Variants in SLC7A10 observed in about 807,000 individuals in gnomAD.
SLC7A10 encodes the protein solute carrier family 7 member 10.
SLC7A10 carries 30 observed loss-of-function variants against 52.7 expected under a neutral mutation model. The ratio of observed to expected loss-of-function variants is 0.57; its 90% CI spans 0.43 to 0.77. The LOEUF (loss-of-function observed/expected upper bound fraction) is 0.77, where lower values mean the gene tolerates loss of function less well. SLC7A10 is among the 30% of genes least tolerant of loss of function. The pLI, the probability that SLC7A10 is intolerant of heterozygous loss-of-function variation, is 0.00. For synonymous variants in SLC7A10, 318 were observed against 314.9 expected (o/e 1.01, Z -0.10); for missense variants, 581 against 698.5 (o/e 0.83, Z 1.90).
chr19:33,218,743 C>T (rs1034466478), intron 1 of SLC7A10, among the ~76,000 whole-genome samples: 6 of 142,076 alleles, frequency 4.2e-5, no homozygotes, highest in Admixed American at 3.0e-4. Flanking sequence ...GTCTCGAACT[C>T]CTGACCTCAA....
chr19:33,210,260 G>A lies in SLC7A10; in HGVS notation c.1263+207C>T, dbSNP rs551595657. Among the ~76,000 whole-genome samples, 1 of 152,130 alleles carries A rather than the reference G, an allele frequency of 6.6e-6. No individual in the cohort carries two copies. Among genetic ancestry groups the A allele is most frequent in the South Asian group, 2.1e-4 (1 of 4,814 alleles). On this transcript the variant is annotated intron_variant, in intron 9 of 10. Transcript: ENST00000253188. This position sits in a 1 kb window ranked among gnomAD's most constrained non-coding sequence, Gnocchi z 5.6. ...GTGCCCAGTCCTGAGCCTCATTTTC[G>A]CCATCTGTACACTGGGAGCATTCAA...
In SLC7A10 at chr19:33,208,781, T is replaced by TA. The variant is rs1974463525; in HGVS notation, c.*109_*110insT. ...CTTAAACAGGCTTCTGAGAGTCGTA[T>TA]CTTTTTTCTTTTTTTTCCAGAAAAA... On this transcript the variant is annotated 3_prime_UTR_variant, in exon 11 of 11. Transcript: ENST00000253188. The surrounding 1 kb of genome is among the most constrained non-coding windows in gnomAD (Gnocchi z 4.7). 1 of 1,460,614 alleles carries TA rather than the reference T, an allele frequency of 6.8e-7. No individual in the cohort carries two copies. The highest frequency in any genetic ancestry group is 9.5e-7 in the Non-Finnish European group (1 of 1,057,802). The allele number at this position is 1,460,614 out of a possible 1,614,324, so 90.5% of individuals were successfully genotyped here.
chr19:33,212,586 C>A lies in SLC7A10; in HGVS notation c.562G>T (p.Asp188Tyr). 1.2e-6 allele frequency: 2 copies of A among 1,613,978 alleles called. No homozygotes were observed. The highest frequency in any genetic ancestry group is 8.5e-7 in the Non-Finnish European group (1 of 1,180,044). Residue 188 changes from aspartate to tyrosine, a missense_variant, in exon 4 of 11, where the codon GAC (aspartate) becomes TAC (tyrosine). Asp to Tyr is a radical substitution (Grantham distance 160, BLOSUM62 -3). Transcript: ENST00000253188. ...SSVRWATRIQ[D>Y]MFTGGKLLAL... ...AGCAGCTTCCCGCCTGTGAACATGT[C>A]CTGGATGCGCGTGGCCCAGCGCACA...
rs369226143 is a variant in SLC7A10, at chr19:33,218,671, T to TTTCTTTCTTTCTC, written c.152-2699_152-2698insGAGAAAGAAAGAA. ...GGGAGGGACCGGTGGATTTCTTTCT[T>TTTCTTTCTTTCTC]TCTTTCTTTCTTTTTTTTTTTTTTT... On this transcript the variant is annotated intron_variant, in intron 1 of 10. Coordinates refer to ENST00000253188, the MANE Select transcript of SLC7A10 (RefSeq NM_019849.3). Among the ~76,000 whole-genome samples the TTTCTTTCTTTCTC allele has an allele frequency of 7.8e-3, 611 of 78,182 alleles. 2 individuals carry two copies. Among genetic ancestry groups the TTTCTTTCTTTCTC allele is most frequent in the African/African-American group, 0.024 (556 of 23,054 alleles). The allele number at this position is 78,182 out of a possible 152,430, so 51.3% of individuals were successfully genotyped here. A position where few individuals can be genotyped will look rare whatever the true frequency, so the allele number is the denominator to read the frequency against.
intron 9 of SLC7A10, 59 bp from the exon 10 acceptor site, chr19:33,209,544 G>A (rs1974493614): frequency 2.6e-6 from 4 of 1,560,074 alleles, no homozygotes; most frequent in South Asian, 2.3e-5. Context: ...CTGTACCCCC[G>A]ACCCCTGGGG....
intron 2 of SLC7A10, 124 bp from the exon 3 acceptor site, chr19:33,213,126 G>C: frequency 2.3e-6 from 3 of 1,284,362 alleles, no homozygotes; most frequent in Non-Finnish European, 3.3e-6. Flanking sequence ...GCTGCCAGAG[G>C]CCAGCACCGG....
intron 1 of SLC7A10, among the ~76,000 whole-genome samples, chr19:33,217,024 T>C (rs1259742379): frequency 6.6e-6 from 1 of 151,668 alleles, no homozygotes; most frequent in African/African-American, 2.4e-5. Flanking sequence ...CCAGGTGTAT[T>C]ACCACACCCA....
At chr19:33,222,445 TAAATAAAATA>T (rs1555734422) in intron 1 of SLC7A10, among the ~76,000 whole-genome samples, 6 of 85,926 alleles carry the variant, frequency 7.0e-5, no homozygotes, top group African/African-American at 2.5e-4. Context: ...TAAAATAAAA[TAAATAAAATA>T]AAATAAAATA....
chr19:33,211,320 C>T lies in SLC7A10; in HGVS notation c.921G>A (p.Gly307=). 3.1e-6 allele frequency: 5 copies of T among 1,614,078 alleles called. No individual in the cohort carries two copies. Among genetic ancestry groups the T allele is most frequent in the South Asian group, 2.2e-5 (2 of 91,070 alleles). Reference sequence around the variant, plus strand: ...AAGAAAAGTAGCCCAGCAGCTTCTCCCCGAAGGTCTGGGTGGGCACAGTAG... The same window carrying T: ...AAGAAAAGTAGCCCAGCAGCTTCTCTCCGAAGGTCTGGGTGGGCACAGTAG... The part of the protein sequence containing the change: ...LSSNAVAVTF[G]EKLLGYFSWV... The change falls in exon 7 of 11, where the codon GGG becomes GGA. Residue 307 remains glycine, a synonymous_variant. Transcript: ENST00000253188.
At chr19:33,222,486 A>T (rs1974834626) in intron 1 of SLC7A10, among the ~76,000 whole-genome samples, 1 of 148,932 alleles carries the variant, frequency 6.7e-6, no homozygotes, top group South Asian at 2.1e-4. Context: ...AATAAAATAA[A>T]ATAAAATAAA....
Position 33,208,909 on chromosome 19 carries a change from C to A in SLC7A10, c.1554G>T (p.Lys518Asn). 1 of 1,035,468 alleles carries A rather than the reference C, an allele frequency of 9.7e-7. No individual in the cohort carries two copies. The highest frequency in any genetic ancestry group is 1.4e-6 in the Non-Finnish European group (1 of 716,438). 64.1% of individuals were successfully genotyped at this position (1,035,468 alleles called of 1,614,324 possible). Residue 518 changes from lysine to asparagine, a missense_variant, in exon 11 of 11, where the codon AAG (lysine) becomes AAT (asparagine). Coordinates refer to ENST00000253188, the MANE Select transcript of SLC7A10 (RefSeq NM_019849.3). The surrounding 1 kb of genome is among the most constrained non-coding windows in gnomAD (Gnocchi z 4.7). Reference protein sequence around the residue: ...CPPSLLPATDKPSKPQ With the variant: ...CPPSLLPATDNPSKPQ ...AAAAATCTCATTGTGGCTTCGAGGG[C>A]TTGTCTGTGGCAGGCAGCAGGGAGG...
At chr19:33,212,196 C>T in intron 5 of SLC7A10, 96 bp downstream of exon 5, 3 of 1,531,630 alleles carry the variant, frequency 2.0e-6, no homozygotes, top group Non-Finnish European at 2.7e-6. Flanking sequence ...GAGGACCAGC[C>T]CGAGCCTTGG....
At chr19:33,224,464 G>T (rs978347457) in intron 1 of SLC7A10, among the ~76,000 whole-genome samples, 4 of 152,140 alleles carry the variant, frequency 2.6e-5, no homozygotes, top group Non-Finnish European at 5.9e-5. Context: ...CTGCTAATGT[G>T]GGGGTGGGAG....
chr19:33,209,165 G>A (rs1406792970), intron 10 of SLC7A10, 143 bp downstream of exon 10: 2 of 1,527,664 alleles, frequency 1.3e-6, no homozygotes, highest in East Asian at 4.7e-5. Flanking sequence ...TACATCTTGG[G>A]AAGAGACATT....
In SLC7A10 at chr19:33,211,403, G is replaced by A. The variant is rs1046672556; in HGVS notation, c.912+11C>T. The A allele has an allele frequency of 3.1e-6, 5 of 1,613,816 alleles. No individual in the cohort carries two copies. Among genetic ancestry groups the A allele is most frequent in the South Asian group, 2.2e-5 (2 of 91,080 alleles). Reference sequence around the variant, plus strand: ...GGGCAGGAGCCAGGGACCGAGCAGGGGCCCACTCACCACAGCCACCGCATT... The same window carrying A: ...GGGCAGGAGCCAGGGACCGAGCAGGAGCCCACTCACCACAGCCACCGCATT... On this transcript the variant is annotated intron_variant, in intron 6 of 10. Coordinates refer to ENST00000253188, the MANE Select transcript of SLC7A10 (RefSeq NM_019849.3).
Position 33,211,262 on chromosome 19 carries a change from A to C in SLC7A10, c.979T>G (p.Phe327Val). 6.2e-7 allele frequency: 1 copy of C among 1,613,820 alleles called. No homozygotes were observed. The highest frequency in any genetic ancestry group is 8.5e-7 in the Non-Finnish European group (1 of 1,179,996). ...VMPVSVALST[F>V]GGINGYLFTY... is the part of the protein sequence containing the mutation. ...AACAGGTAACCATTGATCCCTCCGA[A>C]GGTTGACAGAGCCACGGAGACAGGC... Residue 327 changes from phenylalanine to valine, a missense_variant, in exon 7 of 11, where the codon TTC (phenylalanine) becomes GTC (valine). Transcript: ENST00000253188.
rs1974912852 is a variant in SLC7A10 at position 33,225,770 on chromosome 19, C to G, written c.-67G>C. On this transcript the variant is annotated 5_prime_UTR_variant, in exon 1 of 11. Transcript: ENST00000253188. ...CTGTCCGGCCGGCCGCCCGTCGGTC[C>G]GTCGGTCCGTGAGCTCACGGCCCTC... The G allele has an allele frequency of 2.1e-6, 3 of 1,436,752 alleles. No homozygotes were observed. The highest frequency in any genetic ancestry group is 2.7e-6 in the Non-Finnish European group (3 of 1,100,206). The allele number at this position is 1,436,752 out of a possible 1,614,324, so 89.0% of individuals were successfully genotyped here.
At chr19:33,215,555 C>A (rs1317328052) in intron 2 of SLC7A10, among the ~76,000 whole-genome samples, 1 of 144,674 alleles carries the variant, frequency 6.9e-6, no homozygotes, top group Non-Finnish European at 1.5e-5. Context: ...TCAGTTCCAC[C>A]TGCCCTGTCC....
chr19:33,223,309 G>GAAAA (rs59600246), intron 1 of SLC7A10, among the ~76,000 whole-genome samples: 6 of 117,234 alleles, frequency 5.1e-5, no homozygotes, highest in Admixed American at 9.0e-5. Flanking sequence ...CTCTGTCTCA[G>GAAAA]AAAAAAAAAA....
Sources: gnomAD v4.1 joint callset for allele counts (sites outside exome capture counted in the v4.1 genomes callset) on GRCh38, gnomAD v4.1.1 for gene constraint, Gnocchi (gnomAD v3.1) non-coding constraint, MANE v1.5 for transcripts, NCBI Gene and HGNC (gene_info 2026-07-23, HGNC 2026-07-21) for gene names.